The following NRXN3 variants were observed in gnomAD, a reference collection of about 807,000 sequenced individuals.
NRXN3 encodes neurexin III.
A neutral mutation model predicts 137.6 loss-of-function variants in NRXN3; 32 were observed. That is an observed-to-expected ratio of 0.23 (90% CI 0.18 to 0.31). The LOEUF (loss-of-function observed/expected upper bound fraction) is 0.31. Among genes scored for constraint, NRXN3 ranks in the 10% least tolerant of loss-of-function variants. The pLI, the probability that NRXN3 is intolerant of heterozygous loss-of-function variation, is 1.00. For missense variants in NRXN3, 1,574 were observed against 2,062.5 expected, an observed-to-expected ratio of 0.76 and a Z score of 4.59; for synonymous variants, 798 against 784.5, an observed-to-expected ratio of 1.02 and a Z score of -0.29.
rs1254239604 is a variant in NRXN3, at chr14:78,923,897, C to T, written c.2276-33345C>T. The stretch of plus-strand genomic sequence containing the variant: ...TTTTCTTCTTCAACCCATTGATAAT[C>T]TAATTGTCCTATATTTCTGTAAGGT... On this transcript the variant is annotated intron_variant, in intron 10 of 20. Coordinates refer to ENST00000335750, the MANE Select transcript of NRXN3 (RefSeq NM_001330195.2). Among the ~76,000 whole-genome samples, 40 of 152,284 alleles carry T rather than the reference C, an allele frequency of 2.6e-4. 1 individual carries two copies. Among genetic ancestry groups the T allele is most frequent in the Admixed American group, 2.2e-3 (34 of 15,294 alleles).
At chr14:78,903,989 G>A (rs1001301192) in intron 10 of NRXN3, among the ~76,000 whole-genome samples, 1 of 152,002 alleles carries the variant, frequency 6.6e-6, no homozygotes, top group African/African-American at 2.4e-5. Context: ...ACTCCTTTGA[G>A]GCCAGGCACT....
At chr14:78,783,433 T>C (rs771637133) in intron 8 of NRXN3, among the ~76,000 whole-genome samples, 20 of 152,046 alleles carry the variant, frequency 1.3e-4, no homozygotes, top group Non-Finnish European at 1.5e-4. Context: ...GGCAAAATAA[T>C]AGCTATTGTG....
At chr14:79,136,290 G>A (rs1447429020) in intron 15 of NRXN3, among the ~76,000 whole-genome samples, 1 of 152,140 alleles carries the variant, frequency 6.6e-6, no homozygotes, top group African/African-American at 2.4e-5. Flanking sequence ...GCCTTTCCCA[G>A]AAATTTTTCA....
At chr14:79,018,145 A>G (rs1254770938) in intron 15 of NRXN3, among the ~76,000 whole-genome samples, 1 of 151,610 alleles carries the variant, frequency 6.6e-6, no homozygotes, top group African/African-American at 2.4e-5. Flanking sequence ...CTGAAATCCC[A>G]GCTACTCGGG....
intron 4 of NRXN3, among the ~76,000 whole-genome samples, chr14:78,498,284 T>A (rs112295532): frequency 6.6e-6 from 1 of 152,122 alleles, no homozygotes; most frequent in Admixed American, 6.5e-5. Context: ...CAGAGGGAGA[T>A]GATCCTCCGG....
intron 9 of NRXN3, among the ~76,000 whole-genome samples, chr14:78,805,924 T>TCA (rs924026439): frequency 4.6e-5 from 7 of 151,470 alleles, no homozygotes; most frequent in African/African-American, 9.7e-5. Flanking sequence ...ATTCTCTCTC[T>TCA]CACACACACA....
intron 15 of NRXN3, among the ~76,000 whole-genome samples, chr14:79,127,787 A>T (rs2056779355): frequency 6.6e-6 from 1 of 152,172 alleles, no homozygotes; most frequent in Admixed American, 6.5e-5. Context: ...TTTTCACGAT[A>T]TTGATTCTTC....
At chr14:78,447,108 G>C (rs1170844554) in intron 4 of NRXN3, among the ~76,000 whole-genome samples, 1 of 152,192 alleles carries the variant, frequency 6.6e-6, no homozygotes, top group Non-Finnish European at 1.5e-5. Flanking sequence ...GCTGGTTTGG[G>C]AGTTAGGAGG....
chr14:78,245,550 T>C (rs1401719172), intron 2 of NRXN3, among the ~76,000 whole-genome samples: 2 of 152,190 alleles, frequency 1.3e-5, no homozygotes, highest in Non-Finnish European at 2.9e-5. Flanking sequence ...AGGTGTTCCT[T>C]AAGTGTTTCC....
At chr14:78,180,352 A>G (rs2059699820) in intron 1 of NRXN3, among the ~76,000 whole-genome samples, 2 of 152,212 alleles carry the variant, frequency 1.3e-5, no homozygotes, top group Admixed American at 1.3e-4. Flanking sequence ...AAAAAAAGAA[A>G]AAAAATGAAG....
intron 19 of NRXN3, among the ~76,000 whole-genome samples, chr14:79,759,537 A>T (rs1053613624): frequency 1.3e-5 from 2 of 151,662 alleles, no homozygotes; most frequent in African/African-American, 4.9e-5. Context: ...AGGAGAGCAA[A>T]TTCCTCCTAG....
intron 15 of NRXN3, among the ~76,000 whole-genome samples, chr14:79,341,610 C>T (rs959018372): frequency 6.6e-6 from 1 of 152,066 alleles, no homozygotes; most frequent in South Asian, 2.1e-4. Context: ...TAAACTGAGC[C>T]AAGATCTAAA....
At chr14:78,788,748 C>G (rs1485496119) in intron 8 of NRXN3, among the ~76,000 whole-genome samples, 1 of 152,134 alleles carries the variant, frequency 6.6e-6, no homozygotes, top group Admixed American at 6.6e-5. Flanking sequence ...CTTTATTAAA[C>G]TTTCATCAAA....
chr14:79,022,231 A>C (rs1173048082), intron 15 of NRXN3, among the ~76,000 whole-genome samples: 1 of 152,214 alleles, frequency 6.6e-6, no homozygotes, highest in African/African-American at 2.4e-5. Context: ...CTGCCATAAA[A>C]TTCTTTTCCA....
intron 4 of NRXN3, among the ~76,000 whole-genome samples, chr14:78,387,601 C>T (rs1453092959): frequency 6.6e-6 from 1 of 152,112 alleles, no homozygotes; most frequent in Non-Finnish European, 1.5e-5. Context: ...CCTAATTGGC[C>T]CCTCTCTTGG....
At chr14:78,579,976 A>G (rs2096976730) in intron 4 of NRXN3, among the ~76,000 whole-genome samples, 1 of 152,168 alleles carries the variant, frequency 6.6e-6, no homozygotes. Context: ...AATAGTACCT[A>G]TCTCATAGGC....
intron 10 of NRXN3, among the ~76,000 whole-genome samples, chr14:78,815,496 T>TTTTTTTTTTC: frequency 7.0e-6 from 1 of 143,006 alleles, no homozygotes; most frequent in Non-Finnish European, 1.5e-5. Flanking sequence ...TTTTTTTTTT[T>TTTTTTTTTTC]TTTTTGCCTT....
intron 4 of NRXN3, among the ~76,000 whole-genome samples, chr14:78,610,999 C>T (rs1236386448): frequency 6.6e-6 from 1 of 152,184 alleles, no homozygotes; most frequent in African/African-American, 2.4e-5. Context: ...CTGCCCCTGG[C>T]CCTTGGCCTT....
chr14:79,165,752 T>C (rs1332862379), intron 15 of NRXN3, among the ~76,000 whole-genome samples: 1 of 151,978 alleles, frequency 6.6e-6, no homozygotes, highest in African/African-American at 2.4e-5. Context: ...ATGTCAGGTT[T>C]CATATTGTCT....
Sources: gnomAD v4.1 joint callset for allele counts (sites outside exome capture counted in the v4.1 genomes callset) on GRCh38, gnomAD v4.1.1 for gene constraint, MANE v1.5 for transcripts, NCBI Gene and HGNC (gene_info 2026-07-23, HGNC 2026-07-21) for gene names.